EDA: variants seen among roughly 807,000 people sequenced by gnomAD.
EDA encodes ectodysplasin-A.
A neutral mutation model predicts 23.6 loss-of-function variants in EDA; 2 were observed. The observed-to-expected ratio is 0.08, with a 90% CI of 0.03 to 0.27. The LOEUF (loss-of-function observed/expected upper bound fraction) is 0.27, where lower values mean the gene tolerates loss of function less well. Among genes scored for constraint, EDA ranks in the 10% least tolerant of loss-of-function variants. The probability of loss-of-function intolerance (pLI) is 1.00; values close to 1 mark genes in which losing one functional copy is unlikely to be tolerated. For missense variants in EDA, 229 were observed against 324.2 expected, an observed-to-expected ratio of 0.71 and a Z score of 2.26; for synonymous variants, 131 against 132.0, an observed-to-expected ratio of 0.99 and a Z score of 0.05.
intron 1 of EDA, among the ~76,000 whole-genome samples, chrX:69,834,514 C>T (rs1336140306): frequency 1.8e-4 from 17 of 94,407 alleles, no homozygotes; most frequent in African/African-American, 6.5e-4. Context: ...TTATTAGAGA[C>T]TGGGATTGCA....
At chrX:69,993,397 C>G (rs911674394) in intron 2 of EDA, among the ~76,000 whole-genome samples, 3 of 111,178 alleles carry the variant, frequency 2.7e-5, no homozygotes, top group African/African-American at 9.8e-5. Flanking sequence ...GATTAAGCAC[C>G]TATGATGTAT....
intron 1 of EDA, among the ~76,000 whole-genome samples, chrX:69,802,474 C>T: frequency 9.1e-6 from 1 of 110,457 alleles, no homozygotes; most frequent in Admixed American, 9.8e-5. Flanking sequence ...AATAAAAATT[C>T]AACTATATTC....
intron 1 of EDA, among the ~76,000 whole-genome samples, chrX:69,790,081 C>T (rs1233144461): frequency 1.8e-5 from 2 of 111,574 alleles, no homozygotes; most frequent in Non-Finnish European, 3.8e-5. Context: ...CTAAATTATC[C>T]AATTCTTAAC....
At chrX:69,885,677 C>A (rs959472998) in intron 1 of EDA, among the ~76,000 whole-genome samples, 5 of 111,396 alleles carry the variant, frequency 4.5e-5, no homozygotes, top group Non-Finnish European at 9.4e-5. Context: ...TTTGTGAAAC[C>A]CCTGCAGAAC....
At chrX:70,030,626 C>T (rs1400339526) in intron 6 of EDA, 106 bp downstream of exon 6, 2 of 728,571 alleles carry the variant, frequency 2.7e-6, no homozygotes, top group Admixed American at 2.6e-5. Flanking sequence ...GCTGAGGTAC[C>T]GTTGGCATAC....
intron 1 of EDA, among the ~76,000 whole-genome samples, chrX:69,836,252 C>A (rs1180576759): frequency 7.1e-5 from 8 of 112,467 alleles, no homozygotes; most frequent in African/African-American, 2.3e-4. Flanking sequence ...GCTGAGAGAA[C>A]CACTGCTCTC....
At chrX:69,719,945 T>C (rs1324013761) in intron 1 of EDA, among the ~76,000 whole-genome samples, 3 of 110,386 alleles carry the variant, frequency 2.7e-5, no homozygotes, top group African/African-American at 9.9e-5. Flanking sequence ...GGATGGGGTT[T>C]CACCATGTTG....
At chrX:69,733,297 C>T (rs2013112808) in intron 1 of EDA, among the ~76,000 whole-genome samples, 1 of 111,985 alleles carries the variant, frequency 8.9e-6, no homozygotes, top group Non-Finnish European at 1.9e-5. Context: ...AGGAAGGGAT[C>T]CAGTTTCAGG....
intron 1 of EDA, among the ~76,000 whole-genome samples, chrX:69,641,129 G>T (rs1932834714): frequency 9.4e-6 from 1 of 105,984 alleles, no homozygotes; most frequent in Non-Finnish European, 2.0e-5. Context: ...TTCGTTTGTT[G>T]TTTTTTTTTT....
intron 1 of EDA, among the ~76,000 whole-genome samples, chrX:69,783,593 C>T (rs992476153): frequency 6.3e-5 from 7 of 110,759 alleles, no homozygotes; most frequent in African/African-American, 2.0e-4. Context: ...CAATTTCATC[C>T]ATGTCCCTAC....
At chrX:69,987,145 G>A (rs1451593615) in intron 2 of EDA, among the ~76,000 whole-genome samples, 3 of 93,036 alleles carry the variant, frequency 3.2e-5, no homozygotes, top group African/African-American at 4.2e-5. Flanking sequence ...GAGGGAGGAG[G>A]GATAGCATTG....
chrX:70,013,401 A>G (rs1052759469), intron 2 of EDA, among the ~76,000 whole-genome samples: 8 of 109,937 alleles, frequency 7.3e-5, no homozygotes, highest in Admixed American at 5.7e-4. Flanking sequence ...AGCTGCCCCA[A>G]CCCTGACTGA....
At chrX:70,030,610 C>G in intron 6 of EDA, 90 bp downstream of exon 6, 3 of 868,179 alleles carry the variant, frequency 3.5e-6, no homozygotes, top group Non-Finnish European at 3.3e-6. Context: ...TAGTTCCTCC[C>G]AGGCCGCTGA....
At chrX:69,729,666 A>T (rs2012947758) in intron 1 of EDA, among the ~76,000 whole-genome samples, 1 of 111,896 alleles carries the variant, frequency 8.9e-6, no homozygotes, top group East Asian at 2.8e-4. Context: ...TGAAAATAAA[A>T]TCAACAGTCC....
chrX:69,800,880 T>C (rs760106302), intron 1 of EDA, among the ~76,000 whole-genome samples: 2 of 111,759 alleles, frequency 1.8e-5, no homozygotes, highest in African/African-American at 3.3e-5. Flanking sequence ...CTGTGACCTC[T>C]GCACATTTAC....
chrX:69,703,582 C>A (rs1569301933), intron 1 of EDA, among the ~76,000 whole-genome samples: 1 of 112,265 alleles, frequency 8.9e-6, no homozygotes, highest in Non-Finnish European at 1.9e-5. Context: ...CCAAATGAGG[C>A]CAGGGCAGGG....
intron 1 of EDA, among the ~76,000 whole-genome samples, chrX:69,851,849 A>G (rs1449562923): frequency 8.9e-6 from 1 of 111,793 alleles, no homozygotes; most frequent in Non-Finnish European, 1.9e-5. Flanking sequence ...ATATCTACTG[A>G]ATCAAAAACT....
rs184899423 is a variant in EDA, at chrX:69,775,860, A to G, written c.396+159156A>G. Among the ~76,000 whole-genome samples, 9 of 112,032 alleles carry G rather than the reference A, an allele frequency of 8.0e-5. No homozygotes were observed. The Admixed American group carries it at 8.5e-4, about 11-fold the overall frequency. On this transcript the variant is annotated intron_variant, in intron 1 of 7. Coordinates refer to ENST00000374552, the MANE Select transcript of EDA (RefSeq NM_001399.5). ...AAATCTTCATTCACACAGATAAATA[A>G]TTCTAAATGGCAGCAATTTTTAATA...
At chrX:69,952,721 G>C (rs1467157059) in intron 1 of EDA, among the ~76,000 whole-genome samples, 1 of 112,116 alleles carries the variant, frequency 8.9e-6, no homozygotes, top group Non-Finnish European at 1.9e-5. Context: ...TCTGCTGTCT[G>C]CAGAAGTTTG....
Sources: allele counts gnomAD v4.1 joint callset (sites outside exome capture counted in the v4.1 genomes callset), GRCh38; gene constraint gnomAD v4.1.1; transcripts MANE v1.5; gene names NCBI Gene and HGNC (gene_info 2026-07-23, HGNC 2026-07-21).